The following HVCN1 variants were observed in gnomAD, a reference collection of about 807,000 sequenced individuals.
HVCN1 encodes hydrogen voltage gated channel 1.
Under a neutral mutation model 29.2 loss-of-function variants are expected in HVCN1, and 14 were observed. The observed-to-expected ratio is 0.48, with a 90% CI of 0.32 to 0.75. The LOEUF (loss-of-function observed/expected upper bound fraction) is 0.75. Ranked by LOEUF, HVCN1 falls within the 30% of genes least tolerant of loss-of-function variation. The pLI is 0.04. For missense variants in HVCN1, 263 were observed against 341.8 expected (o/e 0.77, Z 1.82); for synonymous variants, 131 against 133.2 (o/e 0.98, Z 0.11).
intron 3 of HVCN1, among the ~76,000 whole-genome samples, chr12:110,680,512 GAACAA>G (rs2136423944): frequency 1.3e-5 from 2 of 152,182 alleles, no homozygotes; most frequent in South Asian, 4.2e-4. Context: ...GTGAAAAAAG[GAACAA>G]AAGAAAGGGA....
At chr12:110,654,824 CAG>C (rs765188092) in intron 5 of HVCN1, among the ~76,000 whole-genome samples, 1 of 152,108 alleles carries the variant, frequency 6.6e-6, no homozygotes, top group Non-Finnish European at 1.5e-5. Flanking sequence ...GGAACTGAGA[CAG>C]GGTATGTCCA....
intron 5 of HVCN1, among the ~76,000 whole-genome samples, chr12:110,653,777 C>T (rs930218935): frequency 2.7e-5 from 4 of 150,678 alleles, no homozygotes; most frequent in Non-Finnish European, 5.9e-5. Flanking sequence ...AGGAGGCGGA[C>T]GTTGCAGTGA....
Position 110,676,243 on chromosome 12 carries a change from C to T in HVCN1, c.21+6982G>A, listed in dbSNP as rs770995952. Among the ~76,000 whole-genome samples, 1 of 152,242 alleles carries T rather than the reference C, an allele frequency of 6.6e-6. No individual in the cohort carries two copies. Among genetic ancestry groups the T allele is most frequent in the Non-Finnish European group, 1.5e-5 (1 of 68,042 alleles). ...CCTCTGCCACTGCCCTGGCCAACCC[C>T]CTGCCTCACTTGGAGGCTGTCGCAG... On this transcript the variant is annotated intron_variant, in intron 3 of 7. Coordinates refer to ENST00000242607, the MANE Select transcript of HVCN1 (RefSeq NM_032369.4). This position sits in a 1 kb window ranked among gnomAD's most constrained non-coding sequence, Gnocchi z 4.1.
At chr12:110,682,713 C>T (rs1189505028) in intron 3 of HVCN1, 2 of 155,236 alleles carry the variant, frequency 1.3e-5, no homozygotes, top group African/African-American at 2.4e-5. Context: ...TTGAAGGGCA[C>T]ACAGTTATTT....
At chr12:110,649,678 G>C (rs898179341) in intron 7 of HVCN1, among the ~76,000 whole-genome samples, 5 of 152,160 alleles carry the variant, frequency 3.3e-5, no homozygotes, top group Admixed American at 6.5e-5. Context: ...GACAAACGTG[G>C]GGGACCTGGC....
At chr12:110,674,335 T>C (rs1394489951) in intron 3 of HVCN1, among the ~76,000 whole-genome samples, 1 of 152,216 alleles carries the variant, frequency 6.6e-6, no homozygotes, top group Non-Finnish European at 1.5e-5. Context: ...TTTTGATTTT[T>C]ACAGGCTCAT....
intron 3 of HVCN1, among the ~76,000 whole-genome samples, chr12:110,662,623 T>C (rs181808832): frequency 1.1e-3 from 175 of 152,322 alleles, no homozygotes; most frequent in Middle Eastern, 3.4e-3. Flanking sequence ...CAGAATCGCT[T>C]GAAGCTGGGA....
At chr12:110,684,874 G>A (rs1030561164) in intron 2 of HVCN1, among the ~76,000 whole-genome samples, 4 of 152,032 alleles carry the variant, frequency 2.6e-5, no homozygotes, top group Middle Eastern at 3.2e-3. Flanking sequence ...AGTTTCCTAC[G>A]TCGCCTTCTG....
Position 110,683,231 on chromosome 12 carries a change from G to A in HVCN1, c.15C>T (p.Asp5=), listed in dbSNP as rs370561510. The A allele has an allele frequency of 1.7e-4, 282 of 1,611,922 alleles. No individual in the cohort carries two copies. The highest frequency in any genetic ancestry group is 2.3e-4 in the Non-Finnish European group (275 of 1,179,372). The change falls in exon 3 of 8, where the codon GAC becomes GAT. Residue 5 remains aspartate, a synonymous_variant. Transcript: ENST00000242607. MATW[D]EKAVTRRAKV... ...AGACCACAGAATCCATTACCTTTTC[G>A]TCCCAGGTGGCCATGTCCCTGTTGC... is the stretch of plus-strand genomic sequence containing the variant.
chr12:110,680,071 A>AT (rs1162758147), intron 3 of HVCN1, among the ~76,000 whole-genome samples: 1 of 152,164 alleles, frequency 6.6e-6, no homozygotes, highest in Non-Finnish European at 1.5e-5. Flanking sequence ...AAGCAATCTC[A>AT]TTAAGACAAC....
intron 3 of HVCN1, among the ~76,000 whole-genome samples, chr12:110,681,460 G>A (rs2068967024): frequency 6.6e-6 from 1 of 152,196 alleles, no homozygotes; most frequent in East Asian, 1.9e-4. Context: ...TTTCATCACA[G>A]TCTAATCAGC....
At chr12:110,684,973 T>C (rs564118729) in intron 2 of HVCN1, among the ~76,000 whole-genome samples, 22 of 152,336 alleles carry the variant, frequency 1.4e-4, no homozygotes, top group Admixed American at 1.3e-3. Flanking sequence ...TGAACCCACA[T>C]ACTGCTGTGA....
At chr12:110,670,586 G>A (rs924042886) in intron 3 of HVCN1, among the ~76,000 whole-genome samples, 1 of 152,142 alleles carries the variant, frequency 6.6e-6, no homozygotes, top group Non-Finnish European at 1.5e-5. Context: ...GGTGAGGGGG[G>A]GCCTTGTCCA....
In HVCN1 at chr12:110,651,233, C is replaced by T. The variant is rs1421466626; in HGVS notation, c.627G>A (p.Val209=). The T allele has an allele frequency of 6.2e-7, 1 of 1,613,620 alleles. No individual in the cohort carries two copies. Among genetic ancestry groups the T allele is most frequent in the South Asian group, 1.1e-5 (1 of 91,050 alleles). The change falls in exon 6 of 8, where the codon GTG becomes GTA. Residue 209 remains valine, a synonymous_variant. Transcript: ENST00000242607. ...GLLILLRLWR[V]ARIINGIIIS... ...GAGACGTACCATTGATGATCCGGGC[C>T]ACCCGCCACAGCCGGAGCAGAATCA...
In HVCN1 at chr12:110,649,178, A is replaced by C. The variant is rs758319414; in HGVS notation, c.*232T>G. 1 of 683,430 alleles carries C rather than the reference A, an allele frequency of 1.5e-6. No homozygotes were observed. 42.3% of individuals were successfully genotyped at this position (683,430 alleles called of 1,614,324 possible). A position where few individuals can be genotyped will look rare whatever the true frequency, so the allele number is the denominator to read the frequency against. ...TTCAATTAAGGCTAAAGTGTTCAAC[A>C]TGAGAAAATGTGATACATTTGATAC... On this transcript the variant is annotated 3_prime_UTR_variant, in exon 8 of 8. Coordinates refer to ENST00000242607, the MANE Select transcript of HVCN1 (RefSeq NM_032369.4).
chr12:110,693,763 A>C (rs1465278762), upstream of HVCN1, among the ~76,000 whole-genome samples: 1 of 152,208 alleles, frequency 6.6e-6, no homozygotes, highest in African/African-American at 2.4e-5. Context: ...AAAAATTCAA[A>C]ACTTCAATGC....
chr12:110,683,112 TA>T, intron 3 of HVCN1, 112 bp downstream of exon 3: 1 of 1,349,412 alleles, frequency 7.4e-7, no homozygotes, highest in African/African-American at 1.4e-5. Context: ...TATTTCAGTA[TA>T]GTGGAAACAC....
At chr12:110,681,284 G>T (rs879226673) in intron 3 of HVCN1, among the ~76,000 whole-genome samples, 5 of 152,136 alleles carry the variant, frequency 3.3e-5, no homozygotes, top group Admixed American at 2.0e-4. Flanking sequence ...GAAACATGGT[G>T]CCATAAATTG....
At chr12:110,677,526 C>G (rs1272769167) in intron 3 of HVCN1, among the ~76,000 whole-genome samples, 1 of 152,128 alleles carries the variant, frequency 6.6e-6, no homozygotes, top group Non-Finnish European at 1.5e-5. Flanking sequence ...CCTGGCAGAC[C>G]ACAGGCTCCT....
Sources: gnomAD v4.1 joint callset for allele counts (sites outside exome capture counted in the v4.1 genomes callset) on GRCh38, gnomAD v4.1.1 for gene constraint, Gnocchi (gnomAD v3.1) non-coding constraint, MANE v1.5 for transcripts, NCBI Gene and HGNC (gene_info 2026-07-23, HGNC 2026-07-21) for gene names.